WASF3: variants seen among roughly 807,000 people sequenced by gnomAD.
The protein encoded by WASF3 is actin-binding protein WASF3.
A neutral mutation model predicts 46.6 loss-of-function variants in WASF3; 11 were observed. The ratio of observed to expected loss-of-function variants is 0.24; its 90% CI spans 0.15 to 0.39. WASF3 has a LOEUF of 0.39. Among genes scored for constraint, WASF3 ranks in the 10% least tolerant of loss-of-function variants. WASF3 has a pLI of 1.00. For missense variants in WASF3, 576 were observed against 669.8 expected, an observed-to-expected ratio of 0.86 and a Z score of 1.55; for synonymous variants, 242 against 259.7, an observed-to-expected ratio of 0.93 and a Z score of 0.65.
chr13:26,549,978 G>A, the WASF3 span, among the ~76,000 whole-genome samples: 12 of 152,166 alleles, frequency 7.9e-5, no homozygotes, highest in African/African-American at 2.7e-4. Context: ...ACTGCAGCAG[G>A]TAATTTTGCA....
At chr13:26,595,651 T>C (rs1227645814) in intron 1 of WASF3, among the ~76,000 whole-genome samples, 1 of 152,214 alleles carries the variant, frequency 6.6e-6, no homozygotes. Context: ...GCAATTTCTT[T>C]GTACCCTCAG....
chr13:26,587,466 A>G (rs1170525777), intron 1 of WASF3, among the ~76,000 whole-genome samples: 1 of 152,164 alleles, frequency 6.6e-6, no homozygotes. Context: ...GAAAGGAAGC[A>G]TATTGTCTAG....
chr13:26,667,161 G>C (rs1399876622), intron 4 of WASF3, among the ~76,000 whole-genome samples: 2 of 152,116 alleles, frequency 1.3e-5, no homozygotes, highest in Non-Finnish European at 2.9e-5. Flanking sequence ...TTTGAACGGT[G>C]TTTTCCTTAG....
chr13:26,583,503 C>T (rs1054617877), intron 1 of WASF3, among the ~76,000 whole-genome samples: 3 of 152,116 alleles, frequency 2.0e-5, no homozygotes, highest in African/African-American at 7.2e-5. Context: ...AGCTAAGAGT[C>T]GAAGGCTCCT....
At chr13:26,656,274 C>A (rs571749060) in intron 3 of WASF3, among the ~76,000 whole-genome samples, 1 of 152,048 alleles carries the variant, frequency 6.6e-6, no homozygotes, top group Non-Finnish European at 1.5e-5. Context: ...TTAAGCTATT[C>A]GTGTCTTAAA....
At chr13:26,539,852 G>C in the WASF3 span, among the ~76,000 whole-genome samples, 11 of 152,148 alleles carry the variant, frequency 7.2e-5, no homozygotes, top group African/African-American at 2.7e-4. Context: ...TTCACTTGCT[G>C]GTTTTCCTGG....
intron 2 of WASF3, among the ~76,000 whole-genome samples, chr13:26,630,624 G>A (rs1881622873): frequency 6.6e-6 from 1 of 152,184 alleles, no homozygotes; most frequent in Non-Finnish European, 1.5e-5. Flanking sequence ...AAACATACGT[G>A]TACATGTGTC....
intron 1 of WASF3, among the ~76,000 whole-genome samples, chr13:26,578,655 C>A (rs1879874582): frequency 6.6e-6 from 1 of 152,164 alleles, no homozygotes; most frequent in Non-Finnish European, 1.5e-5. Context: ...TCTTCTTTCT[C>A]CCTCTCCCTC....
At chr13:26,596,333 CTT>C (rs966688695) in intron 1 of WASF3, among the ~76,000 whole-genome samples, 62 of 143,964 alleles carry the variant, frequency 4.3e-4, no homozygotes, top group African/African-American at 1.5e-3. Context: ...GGATTGTTTA[CTT>C]TTTTTTTTAA....
chr13:26,662,160 A>G (rs746511119), intron 3 of WASF3, among the ~76,000 whole-genome samples: 8 of 152,244 alleles, frequency 5.3e-5, no homozygotes, highest in Non-Finnish European at 7.3e-5. Context: ...GATGTTGGCA[A>G]TGCTGCAGAG....
At chr13:26,659,407 A>G (rs934000798) in intron 3 of WASF3, among the ~76,000 whole-genome samples, 8 of 152,198 alleles carry the variant, frequency 5.3e-5, no homozygotes, top group African/African-American at 1.9e-4. Context: ...GAACGGAGCT[A>G]GGTCGTGTAG....
At chr13:26,683,308 C>T (rs1325263138) in intron 9 of WASF3, among the ~76,000 whole-genome samples, 1 of 151,456 alleles carries the variant, frequency 6.6e-6, no homozygotes, top group Non-Finnish European at 1.5e-5. Flanking sequence ...TCTATCCCTA[C>T]AAAAAATGCA....
rs189640147 is a variant in WASF3, at chr13:26,634,804, G to C, written c.-10-7457G>C. ...GAAAATTCTTTTCTTTAAGAAGGTT[G>C]AATATTGGCCCCCATTCTCTTCTGG... On this transcript the variant is annotated intron_variant, in intron 2 of 9. Transcript: ENST00000335327. Among the ~76,000 whole-genome samples, 526 of 152,294 alleles carry C rather than the reference G, an allele frequency of 3.5e-3. 3 individuals carry two copies. Among genetic ancestry groups the C allele is most frequent in the African/African-American group, 0.012 (507 of 41,552 alleles).
chr13:26,633,370 T>C (rs1397581152), intron 2 of WASF3, among the ~76,000 whole-genome samples: 1 of 151,838 alleles, frequency 6.6e-6, no homozygotes, highest in Admixed American at 6.6e-5. Context: ...GTCCGGCTAA[T>C]TTTTTGTATT....
intron 1 of WASF3, among the ~76,000 whole-genome samples, chr13:26,559,449 C>T (rs374504330): frequency 2.0e-5 from 3 of 152,218 alleles, no homozygotes; most frequent in East Asian, 1.9e-4. Context: ...TGATGTGCTT[C>T]ACTATCTTCA....
chr13:26,618,126 C>T (rs1881191981), intron 2 of WASF3, among the ~76,000 whole-genome samples: 1 of 152,078 alleles, frequency 6.6e-6, no homozygotes, highest in Admixed American at 6.6e-5. Flanking sequence ...GTGAGTTCAC[C>T]CATTAACACT....
At chr13:26,597,354 C>T (rs369925167) in intron 1 of WASF3, among the ~76,000 whole-genome samples, 4 of 152,298 alleles carry the variant, frequency 2.6e-5, no homozygotes, top group East Asian at 3.9e-4. Flanking sequence ...AGGCTGATCT[C>T]GAACTCCTGG....
In WASF3 at chr13:26,685,819, T is replaced by C; in HGVS notation, c.1483T>C (p.Phe495Leu). 1 of 1,613,820 alleles carries C rather than the reference T, an allele frequency of 6.2e-7. No homozygotes were observed. The highest frequency in any genetic ancestry group is 2.2e-5 in the East Asian group (1 of 44,868). ...CAGCGACTCTGACGACGACTCAGAG[T>C]TCGACGAGAACGACTGGTCCGACTG... The part of the protein sequence containing the change: ...EYSDSDDDSE[F>L]DENDWSD The change falls in exon 10 of 10, where the codon TTC becomes CTC. Residue 495 changes from phenylalanine (F) to leucine (L), a missense_variant. Phe to Leu is a conservative substitution (Grantham distance 22). Transcript: ENST00000335327.
intron 1 of WASF3, chr13:26,606,922 A>C (rs1880817359): frequency 6.6e-6 from 1 of 152,196 alleles, no homozygotes; most frequent in South Asian, 2.1e-4. Context: ...TTGTGCATGC[A>C]CATGAGAGAG....
Sources: gnomAD v4.1 joint callset for allele counts (sites outside exome capture counted in the v4.1 genomes callset) on GRCh38, gnomAD v4.1.1 for gene constraint, MANE v1.5 for transcripts, NCBI Gene and HGNC (gene_info 2026-07-23, HGNC 2026-07-21) for gene names.